Variants in RPL19 observed in about 807,000 individuals in gnomAD.
RPL19 encodes ribosomal protein L19.
Under a neutral mutation model 25.1 loss-of-function variants are expected in RPL19, and 2 were observed. The observed-to-expected ratio is 0.08, with a 90% CI of 0.03 to 0.25. The LOEUF (loss-of-function observed/expected upper bound fraction) is 0.25, where lower values mean the gene tolerates loss of function less well. Among genes scored for constraint, RPL19 ranks in the 10% least tolerant of loss-of-function variants. The probability of loss-of-function intolerance (pLI) is 1.00; values close to 1 mark genes in which losing one functional copy is unlikely to be tolerated. For synonymous variants in RPL19, 89 were observed against 91.2 expected (o/e 0.98, Z 0.14); for missense variants, 123 against 271.8 (o/e 0.45, Z 3.85).
chr17:39,202,908 G>A, intron 3 of RPL19, 81 bp from the exon 4 acceptor site: 1 of 1,514,634 alleles, frequency 6.6e-7, no homozygotes, highest in Non-Finnish European at 9.1e-7. Flanking sequence ...TAAGGACCCT[G>A]ACTTGAAACT....
At chr17:39,202,959 T>G in intron 3 of RPL19, 30 bp from the exon 4 acceptor site, 1 of 1,613,456 alleles carries the variant, frequency 6.2e-7, no homozygotes, top group Non-Finnish European at 8.5e-7. Flanking sequence ...GCCTGGGTAG[T>G]GGCCCGTTCC....
intron 1 of RPL19, chr17:39,200,575 C>G: frequency 7.8e-7 from 1 of 1,284,276 alleles, no homozygotes; most frequent in Non-Finnish European, 9.9e-7. Context: ...CGGCTGGTGC[C>G]GCACCGCACA....
chr17:39,203,144 C>G (rs780902527), intron 4 of RPL19, 35 bp downstream of exon 4: 2 of 1,355,762 alleles, frequency 1.5e-6, no homozygotes, highest in Non-Finnish European at 2.1e-6. Flanking sequence ...TACCCATTTG[C>G]TGCTTTGATG....
chr17:39,200,377 G>A (rs757563801), intron 1 of RPL19, 28 bp downstream of exon 1: 2 of 1,553,472 alleles, frequency 1.3e-6, no homozygotes, highest in Admixed American at 2.0e-5. Flanking sequence ...TCCATCAGGC[G>A]CTGACGCGTG....
rs1028235972 is a variant in RPL19, at chr17:39,201,381, G to T, written c.112+62G>T. On this transcript the variant is annotated intron_variant, in intron 2 of 5. Transcript: ENST00000225430. Reference sequence around the variant, plus strand: ...TTCTTTTCTCCTGCGTCAGATTAATGATAACACAATTGTGTTGACTTTTTT... The same window carrying T: ...TTCTTTTCTCCTGCGTCAGATTAATTATAACACAATTGTGTTGACTTTTTT... 46 of 975,930 alleles carry T rather than the reference G, an allele frequency of 4.7e-5. No homozygotes were observed. The African/African-American group carries it at 7.2e-4, about 15-fold the overall frequency. The allele number at this position is 975,930 out of a possible 1,614,324, so 60.5% of individuals were successfully genotyped here.
chr17:39,204,419 T>C (rs1053418334), intron 5 of RPL19, 106 bp from the exon 6 acceptor site: 1 of 1,411,490 alleles, frequency 7.1e-7, no homozygotes, highest in African/African-American at 1.4e-5. Flanking sequence ...AGCAACTCAT[T>C]CCAGAAGCTG....
intron 1 of RPL19, 117 bp downstream of exon 1, chr17:39,200,466 C>G: frequency 7.5e-7 from 1 of 1,328,594 alleles, no homozygotes; most frequent in Non-Finnish European, 9.7e-7. Context: ...AGCGGCCGGT[C>G]CCGGGGTTTG....
chr17:39,203,933 G>A, intron 4 of RPL19, 144 bp from the exon 5 acceptor site: 1 of 594,026 alleles, frequency 1.7e-6, no homozygotes, highest in Non-Finnish European at 3.1e-6. Context: ...ACACAAAAAA[G>A]TCATGGTTTA....
chr17:39,202,687 A>C, intron 3 of RPL19: 4 of 603,380 alleles, frequency 6.6e-6, no homozygotes, highest in Non-Finnish European at 1.1e-5. Context: ...TTCTAGTTTC[A>C]GAATGATCGA....
chr17:39,201,146 TGA>T, intron 1 of RPL19, 65 bp from the exon 2 acceptor site: 1 of 1,054,142 alleles, frequency 9.5e-7, no homozygotes, highest in South Asian at 1.3e-5. Context: ...GGGCAGGTCT[TGA>T]TGGGGACGTT....
At chr17:39,202,479 T>A (rs763138554) in intron 3 of RPL19, 40 bp downstream of exon 3, 32 of 1,608,636 alleles carry the variant, frequency 2.0e-5, no homozygotes, top group Non-Finnish European at 2.4e-5. Flanking sequence ...TGATAGGTGC[T>A]GGCATCTATG....
chr17:39,200,507 T>C (rs1192315143), intron 1 of RPL19, 158 bp downstream of exon 1: 2 of 1,275,080 alleles, frequency 1.6e-6, no homozygotes, highest in African/African-American at 1.6e-5. Flanking sequence ...GTCCCGGGCC[T>C]CCGGAGTGAG....
At position 39,202,431 on chromosome 17, in the gene RPL19, T is replaced by C; in HGVS notation, c.227T>C (p.Met76Thr). ...TTGGCCCGCCGGAAGGGCAGGCACA[T>C]GGGCATAGGTAAGTGTGGTCATCTT... Reference protein sequence around the residue: ...NTLARRKGRHMGIGKRKGTAN... With the variant: ...NTLARRKGRHTGIGKRKGTAN... Residue 76 changes from methionine (M) to threonine (T), a missense_variant, in exon 3 of 6, where the codon ATG (methionine) becomes ACG (threonine). Met to Thr is a moderately conservative substitution (Grantham distance 81). Coordinates refer to ENST00000225430, the MANE Select transcript of RPL19 (RefSeq NM_000981.4). The C allele has an allele frequency of 6.2e-7, 1 of 1,614,226 alleles. No individual in the cohort carries two copies. The highest frequency in any genetic ancestry group is 8.5e-7 in the Non-Finnish European group (1 of 1,180,020).
At position 39,203,028 on chromosome 17, in the gene RPL19, A is replaced by G; in HGVS notation, c.275A>G (p.Lys92Arg). 6.2e-7 allele frequency: 1 copy of G among 1,614,014 alleles called. No individual in the cohort carries two copies. Among genetic ancestry groups the G allele is most frequent in the Non-Finnish European group, 8.5e-7 (1 of 1,179,948 alleles). Residue 92 changes from lysine to arginine, a missense_variant, in exon 4 of 6, where the codon AAG becomes AGG. Coordinates refer to ENST00000225430, the MANE Select transcript of RPL19 (RefSeq NM_000981.4). Reference sequence around the variant, plus strand: ...ACAGCCAATGCCCGAATGCCAGAGAAGGTCACATGGATGAGGAGAATGAGG... The same window carrying G: ...ACAGCCAATGCCCGAATGCCAGAGAGGGTCACATGGATGAGGAGAATGAGG... ...KGTANARMPEKVTWMRRMRIL... is the reference protein window; with the variant it reads ...KGTANARMPERVTWMRRMRIL...
rs1010761119 is a variant in RPL19 at position 39,201,211 on chromosome 17, A to G, written c.6-2A>G. 1 of 1,601,990 alleles carries G rather than the reference A, an allele frequency of 6.2e-7. No homozygotes were observed. The highest frequency in any genetic ancestry group is 1.1e-5 in the South Asian group (1 of 90,476). ...GTCTAATCATGTTTTCTGTGTGTCT[A>G]GTATGCTCAGGCTTCAGAAGAGGCT... On this transcript the variant is annotated splice_acceptor_variant, in intron 1 of 5. Coordinates refer to ENST00000225430, the MANE Select transcript of RPL19 (RefSeq NM_000981.4). LOFTEE classifies it high-confidence loss of function.
chr17:39,201,851 C>T (rs977863102), intron 2 of RPL19, among the ~76,000 whole-genome samples: 2 of 152,140 alleles, frequency 1.3e-5, no homozygotes, highest in Non-Finnish European at 2.9e-5. Flanking sequence ...GGATTATCGA[C>T]GTGAGCCACC....
intron 3 of RPL19, chr17:39,202,654 C>T (rs2046299231): frequency 1.6e-6 from 1 of 621,996 alleles, no homozygotes; most frequent in Non-Finnish European, 2.8e-6. Flanking sequence ...TCCCTACCTA[C>T]ACTATGCCAA....
chr17:39,200,951 C>T (rs2046282758), intron 1 of RPL19, among the ~76,000 whole-genome samples: 1 of 152,190 alleles, frequency 6.6e-6, no homozygotes, highest in African/African-American at 2.4e-5. Flanking sequence ...CATAACCCCC[C>T]TATTCAATCC....
intron 4 of RPL19, among the ~76,000 whole-genome samples, chr17:39,203,750 G>T (rs1352080836): frequency 6.6e-6 from 1 of 151,828 alleles, no homozygotes; most frequent in East Asian, 1.9e-4. Flanking sequence ...CAAGTGATCC[G>T]CCCGCCTCAG....
Sources: allele counts gnomAD v4.1 joint callset (sites outside exome capture counted in the v4.1 genomes callset), GRCh38; gene constraint gnomAD v4.1.1; transcripts MANE v1.5; gene names NCBI Gene and HGNC (gene_info 2026-07-23, HGNC 2026-07-21).